NAV1: variants seen among roughly 807,000 people sequenced by gnomAD.
NAV1 encodes neuron navigator 1.
In NAV1, 18 loss-of-function variants were observed where a neutral mutation model predicts 175.2. The ratio of observed to expected loss-of-function variants is 0.10; its 90% CI spans 0.07 to 0.15. The LOEUF (loss-of-function observed/expected upper bound fraction) is 0.15, where lower values mean the gene tolerates loss of function less well. NAV1 is among the 10% of genes least tolerant of loss of function. The probability of loss-of-function intolerance (pLI) is 1.00; values close to 1 mark genes in which losing one functional copy is unlikely to be tolerated. For synonymous variants in NAV1, 897 were observed against 978.7 expected, an observed-to-expected ratio of 0.92 and a Z score of 1.56; for missense variants, 1,731 against 2,436.6, an observed-to-expected ratio of 0.71 and a Z score of 6.10.
intron 2 of NAV1, among the ~76,000 whole-genome samples, chr1:201,633,501 C>T (rs1668534984): frequency 1.3e-5 from 2 of 152,302 alleles, no homozygotes; most frequent in East Asian, 3.9e-4. Context: ...CAACTGCCGC[C>T]AGTACTCACT....
At chr1:201,709,436 G>A (rs187397162) in intron 1 of NAV1, among the ~76,000 whole-genome samples, 9 of 152,246 alleles carry the variant, frequency 5.9e-5, no homozygotes, top group Non-Finnish European at 2.9e-5. Context: ...TGTCAGATTG[G>A]CTCCTCAACC....
chr1:201,672,050 C>T (rs2102380511), intron 1 of NAV1, among the ~76,000 whole-genome samples: 1 of 152,296 alleles, frequency 6.6e-6, no homozygotes, highest in East Asian at 1.9e-4. Flanking sequence ...CTCTCTTCTT[C>T]CTTCTCTACT....
At chr1:201,752,123 T>A (rs922294591) in intron 3 of NAV1, among the ~76,000 whole-genome samples, 1 of 152,168 alleles carries the variant, frequency 6.6e-6, no homozygotes, top group Non-Finnish European at 1.5e-5. Context: ...TCAACAAAGA[T>A]ATTTCACCAA....
At chr1:201,556,770 G>C (rs1028068014) in intron 1 of NAV1, among the ~76,000 whole-genome samples, 3 of 152,184 alleles carry the variant, frequency 2.0e-5, no homozygotes, top group Non-Finnish European at 2.9e-5. Flanking sequence ...GCCCTCTCTG[G>C]AGAAATGCCC....
chr1:201,699,733 C>T (rs1299076097), intron 1 of NAV1, among the ~76,000 whole-genome samples: 1 of 152,094 alleles, frequency 6.6e-6, no homozygotes, highest in African/African-American at 2.4e-5. Context: ...GTGCTGGTAC[C>T]AAAACAGAGA....
At chr1:201,748,610 C>T (rs763137428) in intron 3 of NAV1, among the ~76,000 whole-genome samples, 6 of 152,200 alleles carry the variant, frequency 3.9e-5, no homozygotes, top group East Asian at 1.9e-4. Context: ...GATTTAGGAG[C>T]ATTCCTGCTA....
chr1:201,808,290 C>A lies in NAV1; in HGVS notation c.3846-128C>A, dbSNP rs1301892072. On this transcript the variant is annotated intron_variant, in intron 18 of 29. Coordinates refer to ENST00000367296, the Ensembl canonical transcript of NAV1. This position sits in a 1 kb window ranked among gnomAD's most constrained non-coding sequence, Gnocchi z 5.5. The stretch of plus-strand genomic sequence containing the variant: ...GGGCATATGAGACCAACAGATGGAC[C>A]TTTCTTCTCATGCTGATTGAATATC... The A allele has an allele frequency of 1.4e-6, 2 of 1,386,244 alleles. No homozygotes were observed. Among genetic ancestry groups the A allele is most frequent in the East Asian group, 4.7e-5 (2 of 42,990 alleles). 85.9% of individuals were successfully genotyped at this position (1,386,244 alleles called of 1,614,324 possible). A position where few individuals can be genotyped will look rare whatever the true frequency, so the allele number is the denominator to read the frequency against.
rs889761479 is a variant in NAV1, at chr1:201,539,445, G to C, written c.-144+103G>C. ...GCAGGTCCTGCGAGGCCGAGACCAA[G>C]TCTCGGGGTAGGGGAGGTTGGTGCC... is the stretch of plus-strand genomic sequence containing the variant. On this transcript the variant is annotated intron_variant, in intron 1 of 33. Coordinates refer to the NAV1 transcript ENST00000685211. This position sits in a 1 kb window ranked among gnomAD's most constrained non-coding sequence, Gnocchi z 5.6. Among the ~76,000 whole-genome samples, 1 of 152,120 alleles carries C rather than the reference G, an allele frequency of 6.6e-6. No individual in the cohort carries two copies. Among genetic ancestry groups the C allele is most frequent in the African/African-American group, 2.4e-5 (1 of 41,454 alleles).
In NAV1 at chr1:201,790,784, C is replaced by A; in HGVS notation, c.3321+18C>A. The A allele has an allele frequency of 6.2e-7, 1 of 1,613,180 alleles. No individual in the cohort carries two copies. The highest frequency in any genetic ancestry group is 8.5e-7 in the Non-Finnish European group (1 of 1,179,190). ...CTGCCAATGTGAGTGCCATGAAGTA[C>A]GGAAAGATCAAGGCAGTTATTTTGA... On this transcript the variant is annotated intron_variant, in intron 13 of 29. Coordinates refer to ENST00000367296, the Ensembl canonical transcript of NAV1.
chr1:201,548,637 A>C (rs1665736585), intron 1 of NAV1, among the ~76,000 whole-genome samples: 1 of 152,208 alleles, frequency 6.6e-6, no homozygotes, highest in Non-Finnish European at 1.5e-5. Flanking sequence ...AGGGAAAAGG[A>C]GGGTCTCTAA....
Position 201,808,458 on chromosome 1 carries a change from G to T in NAV1, c.3886G>T (p.Ala1296Ser), listed in dbSNP as rs1678457454. Residue 1296 changes from alanine to serine, a missense_variant, in exon 19 of 30, where the codon GCA (alanine) becomes TCA (serine). By Grantham distance (99) the Ala-to-Ser change is moderately conservative (BLOSUM62 1). Coordinates refer to ENST00000367296, the Ensembl canonical transcript of NAV1. The surrounding 1 kb of genome is among the most constrained non-coding windows in gnomAD (Gnocchi z 5.5). The stretch of plus-strand genomic sequence containing the variant: ...AGCCCCCCACACTAGGCTGTTCCAT[G>T]CAAATGAGGAGGAGGAGCCAGAGAA... 6.2e-7 allele frequency: 1 copy of T among 1,614,078 alleles called. No homozygotes were observed. Among genetic ancestry groups the T allele is most frequent in the South Asian group, 1.1e-5 (1 of 91,082 alleles).
chr1:201,812,384 G>T lies in NAV1; in HGVS notation c.5025-81G>T. The T allele has an allele frequency of 7.2e-7, 1 of 1,381,150 alleles. No homozygotes were observed. The allele number at this position is 1,381,150 out of a possible 1,614,324, so 85.6% of individuals were successfully genotyped here. On this transcript the variant is annotated intron_variant, in intron 26 of 29. Coordinates refer to ENST00000367296, the Ensembl canonical transcript of NAV1. This position sits in a 1 kb window ranked among gnomAD's most constrained non-coding sequence, Gnocchi z 4.6. ...GGCATTAGTGAGAAGCAGGCAGAAG[G>T]AGGGACAGACTGGCAGGGGCTGAAC...
chr1:201,588,223 G>C (rs185881645), intron 1 of NAV1, among the ~76,000 whole-genome samples: 1 of 152,152 alleles, frequency 6.6e-6, no homozygotes, highest in Non-Finnish European at 1.5e-5. Flanking sequence ...AATCTTATTC[G>C]GCTGTAAAAA....
chr1:201,695,402 C>T (rs1671148255), intron 1 of NAV1, among the ~76,000 whole-genome samples: 1 of 152,204 alleles, frequency 6.6e-6, no homozygotes, highest in Non-Finnish European at 1.5e-5. Context: ...CACCTCTGCC[C>T]TTGTCCGAGG....
At position 201,785,147 on chromosome 1, in the gene NAV1, G is replaced by A. The variant is rs572420906; in HGVS notation, c.2805-163G>A. ...TTCCCAAGTTGTAAGCCAAGAAGCA[G>A]GCTATAGTATCTCTTGGTTTCTAGA... On this transcript the variant is annotated intron_variant, in intron 7 of 29. Coordinates refer to ENST00000367296, the Ensembl canonical transcript of NAV1. Among the ~76,000 whole-genome samples, 53 of 152,290 alleles carry A rather than the reference G, an allele frequency of 3.5e-4. No homozygotes were observed. In the South Asian group the frequency reaches 0.011, roughly 30 times the overall value.
chr1:201,708,852 A>G (rs1429944491), intron 1 of NAV1, among the ~76,000 whole-genome samples: 1 of 152,168 alleles, frequency 6.6e-6, no homozygotes, highest in Non-Finnish European at 1.5e-5. Flanking sequence ...AACTTAGCCA[A>G]TAAAACAAGC....
At chr1:201,654,467 A>G (rs940960049) in intron 1 of NAV1, among the ~76,000 whole-genome samples, 12 of 132,856 alleles carry the variant, frequency 9.0e-5, no homozygotes, top group African/African-American at 3.4e-4. Flanking sequence ...CTGACCTCCA[A>G]TCTTGCCTTT....
intron 3 of NAV1, among the ~76,000 whole-genome samples, chr1:201,745,410 G>A (rs1673705924): frequency 6.6e-6 from 1 of 152,198 alleles, no homozygotes; most frequent in African/African-American, 2.4e-5. Flanking sequence ...TTAGTGTATT[G>A]TTGCAGGTGC....
chr1:201,651,122 C>CGTGT (rs60462710), intron 1 of NAV1, among the ~76,000 whole-genome samples: 13,155 of 129,028 alleles, frequency 0.1, 886 homozygotes, highest in Admixed American at 0.19. Flanking sequence ...AGGAAGGGAC[C>CGTGT]GTGTGTGTGT....
Sources: allele counts gnomAD v4.1 joint callset (sites outside exome capture counted in the v4.1 genomes callset), GRCh38; gene constraint gnomAD v4.1.1; non-coding constraint Gnocchi (gnomAD v3.1); transcripts MANE v1.5; gene names NCBI Gene and HGNC (gene_info 2026-07-23, HGNC 2026-07-21).